Variants in RFC2 observed in about 807,000 individuals in gnomAD.
RFC2 encodes A1 40 kDa subunit.
In RFC2, 34 loss-of-function variants were observed where a neutral mutation model predicts 44.8. The observed-to-expected ratio is 0.76, with a 90% CI of 0.58 to 1.01. The LOEUF (loss-of-function observed/expected upper bound fraction) is 1.01, where lower values mean the gene tolerates loss of function less well. Among genes scored for constraint, RFC2 ranks in the 50% least tolerant of loss-of-function variants. The pLI is 0.00. For synonymous variants in RFC2, 177 were observed against 168.9 expected (o/e 1.05, Z -0.37); for missense variants, 400 against 453.6 (o/e 0.88, Z 1.07).
At chr7:74,233,042 C>A (rs570476830) in intron 10 of RFC2, among the ~76,000 whole-genome samples, 6 of 151,638 alleles carry the variant, frequency 4.0e-5, no homozygotes, top group Non-Finnish European at 7.4e-5. Context: ...CCAAACTCTA[C>A]GAAAAAAAGA....
chr7:74,239,993 T>C lies in RFC2; in HGVS notation c.638A>G (p.Tyr213Cys). The change falls in exon 7 of 11, where the codon TAC (tyrosine) becomes TGC (cysteine). Residue 213 changes from tyrosine (Y) to cysteine (C), a missense_variant. Physicochemically the swap from Tyr to Cys is radical, Grantham distance 194 (BLOSUM62 -2). Transcript: ENST00000055077. ...MNVIEKERVP[Y>C]TDDGLEAIIF... is the part of the protein sequence containing the mutation. ...GATGGCTTCTAGGCCGTCATCAGTG[T>C]AGGGTACCCTCTCCTTCTCGATAAC... 6.2e-7 allele frequency: 1 copy of C among 1,613,674 alleles called. No individual in the cohort carries two copies. Among genetic ancestry groups the C allele is most frequent in the East Asian group, 2.2e-5 (1 of 44,866 alleles).
chr7:74,252,125 A>T (rs1349854697), intron 2 of RFC2, among the ~76,000 whole-genome samples: 2 of 120,802 alleles, frequency 1.7e-5, no homozygotes, highest in African/African-American at 3.3e-5. Context: ...AAAAAAAAAA[A>T]GGCCAGGTGT....
chr7:74,237,586 G>C, intron 8 of RFC2, 144 bp from the exon 9 acceptor site: 1 of 491,796 alleles, frequency 2.0e-6, no homozygotes, highest in African/African-American at 1.9e-5. Flanking sequence ...ACCAGGATGA[G>C]TTTGGGGAAT....
At chr7:74,246,903 ATTTATAAGGATT>A (rs1803646348) in intron 4 of RFC2, 140 bp from the exon 5 acceptor site, 3 of 493,278 alleles carry the variant, frequency 6.1e-6, no homozygotes, top group Non-Finnish European at 1.1e-5. Flanking sequence ...AATTGTAACT[ATTTATAAGGATT>A]GAGATTTTAT....
At chr7:74,235,374 C>G (rs113947727) in intron 10 of RFC2, among the ~76,000 whole-genome samples, 158 bp downstream of exon 10, 10,759 of 151,200 alleles carry the variant, frequency 0.071, 1,236 homozygotes, top group African/African-American at 0.24. Context: ...TAGACAGAGG[C>G]TTTCACTACG....
Position 74,246,557 on chromosome 7 carries a change from T to A in RFC2, c.434+105A>T, listed in dbSNP as rs565654160. On this transcript the variant is annotated intron_variant, in intron 5 of 10. Coordinates refer to ENST00000055077, the MANE Select transcript of RFC2 (RefSeq NM_181471.3). ...CCCCTATTAAATTGCTTGTGGAAGA[T>A]ATGATAAGCAAATCTACCATAAAAG... is the stretch of plus-strand genomic sequence containing the variant. The A allele has an allele frequency of 5.0e-5, 33 of 663,706 alleles. No homozygotes were observed. The African/African-American group carries it at 5.3e-4, about 11-fold the overall frequency. 41.1% of individuals were successfully genotyped at this position (663,706 alleles called of 1,614,324 possible).
chr7:74,254,168 C>A (rs1326820427), intron 1 of RFC2, 103 bp downstream of exon 1: 31 of 838,686 alleles, frequency 3.7e-5, no homozygotes, highest in Non-Finnish European at 5.6e-5. Context: ...CCTCGGGATT[C>A]CCCAAAACGA....
chr7:74,233,383 T>C (rs1802832586), intron 10 of RFC2, among the ~76,000 whole-genome samples: 1 of 151,854 alleles, frequency 6.6e-6, no homozygotes, highest in Non-Finnish European at 1.5e-5. Context: ...CTTAACATGA[T>C]CTCTAAACAA....
intron 1 of RFC2, 94 bp downstream of exon 1, chr7:74,254,177 G>T: frequency 2.2e-6 from 2 of 909,422 alleles, no homozygotes; most frequent in Non-Finnish European, 3.6e-6. Context: ...TCCCCAAAAC[G>T]AGCCCCTGAC....
At chr7:74,244,823 T>C (rs1374106755) in intron 5 of RFC2, among the ~76,000 whole-genome samples, 2 of 151,122 alleles carry the variant, frequency 1.3e-5, no homozygotes, top group African/African-American at 4.9e-5. Context: ...AAATAGCTGG[T>C]TGCAGTTGCA....
chr7:74,249,297 T>C, intron 3 of RFC2, 179 bp from the exon 4 acceptor site: 10 of 1,185,120 alleles, frequency 8.4e-6, no homozygotes, highest in Non-Finnish European at 1.2e-5. Context: ...TCCCAGCACT[T>C]TGGGAGGCCA....
At chr7:74,247,825 T>C (rs1554720316) in intron 4 of RFC2, among the ~76,000 whole-genome samples, 1 of 152,178 alleles carries the variant, frequency 6.6e-6, no homozygotes, top group African/African-American at 2.4e-5. Flanking sequence ...GTGAACAATA[T>C]GCAGCTGTCC....
chr7:74,241,630 G>C (rs1026077748), intron 6 of RFC2, among the ~76,000 whole-genome samples: 1 of 152,194 alleles, frequency 6.6e-6, no homozygotes, highest in Non-Finnish European at 1.5e-5. Flanking sequence ...AATGAGGAAA[G>C]AGGACAGCTG....
At chr7:74,240,399 G>A (rs1803261747) in intron 6 of RFC2, among the ~76,000 whole-genome samples, 1 of 151,818 alleles carries the variant, frequency 6.6e-6, no homozygotes, top group Non-Finnish European at 1.5e-5. Context: ...CTACTCAGGA[G>A]GCTAAGGCAA....
intron 9 of RFC2, among the ~76,000 whole-genome samples, chr7:74,236,105 T>C (rs1186604547): frequency 6.6e-6 from 1 of 152,340 alleles, no homozygotes; most frequent in East Asian, 1.9e-4. Context: ...GCTAGCTTCA[T>C]CCAGCTGCAG....
chr7:74,240,074 G>A lies in RFC2; in HGVS notation c.557C>T (p.Ala186Val). The change falls in exon 7 of 11, where the codon GCA (alanine) becomes GTA (valine). Residue 186 changes from alanine (A) to valine (V), a missense_variant. By Grantham distance (64) the Ala-to-Val change is moderately conservative (BLOSUM62 0). Coordinates refer to ENST00000055077, the MANE Select transcript of RFC2 (RefSeq NM_181471.3). ...GGTCAGCTTTGTGTACCGGAGGACT[G>A]CACAGCGGGACTGAATGGGCTCTGA... is the stretch of plus-strand genomic sequence containing the variant. ...KIIEPIQSRC[A>V]VLRYTKLTDA... 6.2e-7 allele frequency: 1 copy of A among 1,613,956 alleles called. No homozygotes were observed. Among genetic ancestry groups the A allele is most frequent in the South Asian group, 1.1e-5 (1 of 91,068 alleles).
intron 5 of RFC2, among the ~76,000 whole-genome samples, chr7:74,244,322 T>C (rs1210476506): frequency 6.6e-6 from 1 of 151,240 alleles, no homozygotes; most frequent in Admixed American, 6.6e-5. Flanking sequence ...TAAATTTTCT[T>C]CAAAGAACAT....
chr7:74,238,995 A>G lies in RFC2; in HGVS notation c.694-7T>C. On this transcript the variant is annotated splice_polypyrimidine_tract_variant and splice_region_variant and intron_variant, in intron 7 of 10. Transcript: ENST00000055077. The surrounding 1 kb of genome is among the most constrained non-coding windows in gnomAD (Gnocchi z 4.0). ...ACTGCAGGTTGTTCAGCGCCTGTTCAGGAGCAAACACATGTCAAGGATGAT... is the reference window on the plus strand; with the variant it reads ...ACTGCAGGTTGTTCAGCGCCTGTTCGGGAGCAAACACATGTCAAGGATGAT... The G allele has an allele frequency of 1.2e-6, 2 of 1,611,252 alleles. No homozygotes were observed. The highest frequency in any genetic ancestry group is 1.7e-6 in the Non-Finnish European group (2 of 1,177,454).
At chr7:74,249,305 C>A (rs534442847) in intron 3 of RFC2, 187 bp from the exon 4 acceptor site, 1,234 of 1,040,898 alleles carry the variant, frequency 1.2e-3, no homozygotes, top group Middle Eastern at 6.3e-3. Context: ...CTTTGGGAGG[C>A]CAAGGCGGGC....
Sources: allele counts gnomAD v4.1 joint callset (sites outside exome capture counted in the v4.1 genomes callset), GRCh38; gene constraint gnomAD v4.1.1; non-coding constraint Gnocchi (gnomAD v3.1); transcripts MANE v1.5; gene names NCBI Gene and HGNC (gene_info 2026-07-23, HGNC 2026-07-21).